The following ATF2 variants were observed in gnomAD, a reference collection of about 807,000 sequenced individuals.
ATF2 encodes cyclic AMP-dependent transcription factor ATF-2.
A neutral mutation model predicts 60.6 loss-of-function variants in ATF2; 24 were observed. The ratio of observed to expected loss-of-function variants is 0.40; its 90% CI spans 0.29 to 0.56. The LOEUF is 0.56. ATF2 is among the 20% of genes least tolerant of loss of function. The pLI, the probability that ATF2 is intolerant of heterozygous loss-of-function variation, is 0.54. For synonymous variants in ATF2, 206 were observed against 215.4 expected (o/e 0.96, Z 0.38); for missense variants, 433 against 607.7 (o/e 0.71, Z 3.02).
chr2:175,082,034 G>A (rs1211791346), intron 12 of ATF2, among the ~76,000 whole-genome samples: 1 of 152,144 alleles, frequency 6.6e-6, no homozygotes, highest in Non-Finnish European at 1.5e-5. Context: ...CTCCAGCCTT[G>A]GTGACAGAGT....
Position 175,111,461 on chromosome 2 carries a change from ACTT to A in ATF2, c.828+104_828+106del, listed in dbSNP as rs1453534814. ...TATCTATAGTATAAAACAGTCCGTAACTTTATAAAAATGTGATCTAAATTGTGC... is the reference window on the plus strand; with the variant it reads ...TATCTATAGTATAAAACAGTCCGTAATATAAAAATGTGATCTAAATTGTGC... On this transcript the variant is annotated intron_variant, in intron 10 of 13. Coordinates refer to ENST00000264110, the MANE Select transcript of ATF2 (RefSeq NM_001880.4). 3.8e-6 allele frequency: 4 copies of A among 1,056,332 alleles called. No homozygotes were observed. The African/African-American group carries it at 4.8e-5, about 13-fold the overall frequency. The allele number at this position is 1,056,332 out of a possible 1,614,324, so 65.4% of individuals were successfully genotyped here.
intron 1 of ATF2, among the ~76,000 whole-genome samples, chr2:175,167,230 G>T (rs1700413625): frequency 6.6e-6 from 1 of 151,690 alleles, no homozygotes; most frequent in Admixed American, 6.6e-5. Flanking sequence ...TAGAAAACAC[G>T]TACACACACT....
intron 1 of ATF2, among the ~76,000 whole-genome samples, chr2:175,165,098 C>G (rs1290167692): frequency 1.3e-5 from 2 of 151,580 alleles, no homozygotes; most frequent in African/African-American, 4.8e-5. Flanking sequence ...GCTGGGATTA[C>G]AGGCGTGAGC....
chr2:175,093,323 A>G (rs1694685755), intron 11 of ATF2, 56 bp from the exon 12 acceptor site: 1 of 1,550,326 alleles, frequency 6.5e-7, no homozygotes, highest in Non-Finnish European at 8.8e-7. Flanking sequence ...GTGAATTAAC[A>G]TAGGCAGTAA....
chr2:175,093,211 T>C lies in ATF2; in HGVS notation c.1035A>G (p.Arg345=). 2 of 1,614,166 alleles carry C rather than the reference T, an allele frequency of 1.2e-6. No homozygotes were observed. The highest frequency in any genetic ancestry group is 8.5e-7 in the Non-Finnish European group (1 of 1,180,022). ...QTQSTSGRRR[R]AANEDPDEKR... is the part of the protein sequence containing the mutation. ...TTTCATCAGGATCTTCGTTAGCTGCTCTTCTCCGACGACCACTTGTACTTT... is the reference window on the plus strand; with the variant it reads ...TTTCATCAGGATCTTCGTTAGCTGCCCTTCTCCGACGACCACTTGTACTTT... The change falls in exon 12 of 14, where the codon AGA becomes AGG. Residue 345 remains arginine (R), a synonymous_variant. Coordinates refer to ENST00000264110, the MANE Select transcript of ATF2 (RefSeq NM_001880.4).
intron 5 of ATF2, 63 bp downstream of exon 5, chr2:175,121,381 C>T: frequency 8.7e-7 from 1 of 1,146,844 alleles, no homozygotes; most frequent in South Asian, 1.7e-5. Context: ...AGAGAATACA[C>T]AAAAATTGTG....
chr2:175,108,327 G>A (rs1412340384), intron 10 of ATF2, among the ~76,000 whole-genome samples: 1 of 151,530 alleles, frequency 6.6e-6, no homozygotes, highest in African/African-American at 2.4e-5. Flanking sequence ...GAGGTGGGGG[G>A]TCAACCCCCG....
chr2:175,142,716 AGAGAGT>A lies in ATF2; in HGVS notation c.-43-6236_-43-6231del, dbSNP rs796362560. 7.1e-3 allele frequency among the ~76,000 whole-genome samples: 861 copies of A among 120,506 alleles called. 2 individuals are homozygous for A. The highest frequency in any genetic ancestry group is 0.021 in the African/African-American group (587 of 27,796). The allele number at this position is 120,506 out of a possible 152,430, so 79.1% of individuals were successfully genotyped here. ...GAGAGAGAGAGAGAGAGAGAGAGAG[AGAGAGT>A]GTGTGTGTGTGTGTGTGTGTGTGTG... On this transcript the variant is annotated intron_variant, in intron 2 of 13. Transcript: ENST00000264110.
intron 1 of ATF2, among the ~76,000 whole-genome samples, chr2:175,154,584 A>T (rs1409056204): frequency 6.6e-6 from 1 of 152,182 alleles, no homozygotes; most frequent in African/African-American, 2.4e-5. Context: ...ACTGTACGTA[A>T]TTGTGCTATT....
At chr2:175,097,887 T>A (rs1018566518) in intron 10 of ATF2, among the ~76,000 whole-genome samples, 2 of 152,186 alleles carry the variant, frequency 1.3e-5, no homozygotes, top group African/African-American at 4.8e-5. Flanking sequence ...TTGTCTCTCT[T>A]AGGTTTTCCC....
At position 175,135,307 on chromosome 2, in the gene ATF2, G is replaced by A. The variant is rs561022431; in HGVS notation, c.32+1105C>T. On this transcript the variant is annotated intron_variant, in intron 3 of 13. Coordinates refer to ENST00000264110, the MANE Select transcript of ATF2 (RefSeq NM_001880.4). ...TAAATTAACACCAAAGGTTGTTAAG[G>A]GTGGGGACAGGGAATGTCAAAAGTC... 2.0e-5 allele frequency among the ~76,000 whole-genome samples: 3 copies of A among 152,250 alleles called. No individual in the cohort carries two copies. In the East Asian group the frequency reaches 5.8e-4, roughly 29 times the overall value.
At chr2:175,166,470 G>A (rs1264008316) in intron 1 of ATF2, among the ~76,000 whole-genome samples, 2 of 152,130 alleles carry the variant, frequency 1.3e-5, no homozygotes, top group Non-Finnish European at 2.9e-5. Context: ...CTGCAGAGGG[G>A]AATCTGTATA....
chr2:175,153,248 G>A (rs1452424409), intron 1 of ATF2, among the ~76,000 whole-genome samples: 2 of 152,136 alleles, frequency 1.3e-5, no homozygotes, highest in African/African-American at 2.4e-5. Flanking sequence ...GATGTAAGGA[G>A]CCTCTGCTTT....
At chr2:175,153,781 G>C (rs575887496) in intron 1 of ATF2, among the ~76,000 whole-genome samples, 2 of 141,126 alleles carry the variant, frequency 1.4e-5, no homozygotes, top group Admixed American at 1.5e-4. Context: ...GCAGTGAGTC[G>C]AGATCACACC....
intron 1 of ATF2, among the ~76,000 whole-genome samples, chr2:175,155,308 T>C (rs944287454): frequency 6.6e-6 from 1 of 152,164 alleles, no homozygotes; most frequent in Non-Finnish European, 1.5e-5. Context: ...ACAAAACAAA[T>C]GGATAATTTA....
intron 10 of ATF2, among the ~76,000 whole-genome samples, chr2:175,107,402 C>T (rs190991798): frequency 4.6e-5 from 7 of 152,198 alleles, no homozygotes; most frequent in African/African-American, 9.6e-5. Context: ...TCTGACTCGG[C>T]GATTCTACTT....
chr2:175,094,403 G>GAAAAAAA (rs61440218), intron 11 of ATF2, among the ~76,000 whole-genome samples: 1,308 of 61,166 alleles, frequency 0.021, 4 homozygotes, highest in Non-Finnish European at 0.033. Flanking sequence ...CAAAAAATAC[G>GAAAAAAA]AAAAAAAAAA....
intron 1 of ATF2, among the ~76,000 whole-genome samples, chr2:175,156,240 G>A (rs183949557): frequency 9.2e-5 from 14 of 151,598 alleles, no homozygotes; most frequent in Middle Eastern, 3.4e-3. Flanking sequence ...GCGTGGTGGC[G>A]GGTGCCTGTA....
At chr2:175,129,097 T>TATCC (rs1159114035) in intron 4 of ATF2, among the ~76,000 whole-genome samples, 2 of 152,110 alleles carry the variant, frequency 1.3e-5, no homozygotes, top group Non-Finnish European at 2.9e-5. Flanking sequence ...AGTAAACCAA[T>TATCC]ATCCATCAGA....
Sources: allele counts gnomAD v4.1 joint callset (sites outside exome capture counted in the v4.1 genomes callset), GRCh38; gene constraint gnomAD v4.1.1; transcripts MANE v1.5; gene names NCBI Gene and HGNC (gene_info 2026-07-23, HGNC 2026-07-21).